The following PKNOX2 variants were observed in gnomAD, a reference collection of about 807,000 sequenced individuals.
PKNOX2 encodes the protein homeobox protein PKNOX2.
Under a neutral mutation model 53.1 loss-of-function variants are expected in PKNOX2, and 14 were observed. The observed-to-expected ratio is 0.26, with a 90% CI of 0.17 to 0.41. The LOEUF (loss-of-function observed/expected upper bound fraction) is 0.41, where lower values mean the gene tolerates loss of function less well. Ranked by LOEUF, PKNOX2 falls within the 10% of genes least tolerant of loss-of-function variation. The pLI is 1.00. For synonymous variants in PKNOX2, 257 were observed against 242.8 expected (o/e 1.06, Z -0.54); for missense variants, 496 against 602.8 (o/e 0.82, Z 1.85).
At chr11:125,217,014 C>A (rs1003781025) in intron 1 of PKNOX2, among the ~76,000 whole-genome samples, 5 of 149,938 alleles carry the variant, frequency 3.3e-5, no homozygotes, top group Non-Finnish European at 7.4e-5. Context: ...TCAAAACACA[C>A]ACACACACAC....
chr11:125,311,446 T>C (rs1387347128), intron 2 of PKNOX2, among the ~76,000 whole-genome samples: 2 of 152,268 alleles, frequency 1.3e-5, no homozygotes, highest in South Asian at 2.1e-4. Flanking sequence ...CAAGTTGCTA[T>C]AGCCCTAGGT....
intron 1 of PKNOX2, among the ~76,000 whole-genome samples, chr11:125,222,923 T>C (rs1941360787): frequency 6.6e-6 from 1 of 152,156 alleles, no homozygotes; most frequent in Non-Finnish European, 1.5e-5. Context: ...TGAATGAGCC[T>C]AGTTAGGAGT....
At chr11:125,230,973 A>T (rs944309445) in intron 1 of PKNOX2, among the ~76,000 whole-genome samples, 3 of 152,124 alleles carry the variant, frequency 2.0e-5, no homozygotes, top group African/African-American at 7.2e-5. Context: ...CTAGCAAGAG[A>T]CTTAGTGCCC....
intron 2 of PKNOX2, among the ~76,000 whole-genome samples, chr11:125,269,955 GTGT>G (rs1392795414): frequency 2.6e-5 from 4 of 152,152 alleles, no homozygotes; most frequent in African/African-American, 4.8e-5. Context: ...TATGTGCCAG[GTGT>G]TGTTGTGGGC....
At chr11:125,268,217 C>G (rs1287998806) in intron 2 of PKNOX2, among the ~76,000 whole-genome samples, 1 of 152,182 alleles carries the variant, frequency 6.6e-6, no homozygotes, top group Non-Finnish European at 1.5e-5. Context: ...ACTTGGAAAC[C>G]AGGGAGTGGG....
intron 3 of PKNOX2, among the ~76,000 whole-genome samples, chr11:125,345,761 T>C (rs1950938465): frequency 6.6e-6 from 1 of 152,178 alleles, no homozygotes; most frequent in Admixed American, 6.5e-5. Context: ...AAAAGATGAA[T>C]ATCACACTAT....
At chr11:125,222,656 C>CGTA (rs1463680095) in intron 1 of PKNOX2, among the ~76,000 whole-genome samples, 18 of 128,158 alleles carry the variant, frequency 1.4e-4, no homozygotes, top group South Asian at 2.4e-4. Flanking sequence ...TATGTGTGTG[C>CGTA]TGTGTATGTG....
At chr11:125,383,616 A>AAAAC in intron 5 of PKNOX2, among the ~76,000 whole-genome samples, 1 of 152,228 alleles carries the variant, frequency 6.6e-6, no homozygotes, top group African/African-American at 2.4e-5. Flanking sequence ...GACTGTCAAA[A>AAAAC]AAACAAACAA....
At chr11:125,376,416 A>G (rs886500130) in intron 5 of PKNOX2, among the ~76,000 whole-genome samples, 6 of 152,030 alleles carry the variant, frequency 3.9e-5, no homozygotes, top group African/African-American at 1.5e-4. Context: ...TGGTGCTTTC[A>G]AGGGGAGGAG....
intron 3 of PKNOX2, 54 bp from the exon 4 acceptor site, chr11:125,351,230 G>C (rs1951291931): frequency 2.5e-6 from 2 of 812,158 alleles, no homozygotes; most frequent in South Asian, 1.4e-5. Flanking sequence ...TGGGTGCCCA[G>C]GGCGGGCCTG....
At chr11:125,305,016 G>T (rs959909366) in intron 2 of PKNOX2, among the ~76,000 whole-genome samples, 2 of 152,200 alleles carry the variant, frequency 1.3e-5, no homozygotes, top group Non-Finnish European at 2.9e-5. Context: ...TATCTAAAAA[G>T]CATGTTCAAG....
chr11:125,176,293 C>T (rs1227935677), intron 1 of PKNOX2, among the ~76,000 whole-genome samples: 1 of 152,188 alleles, frequency 6.6e-6, no homozygotes, highest in Non-Finnish European at 1.5e-5. Context: ...GCCTTGACTC[C>T]CTCCTTGCCA....
chr11:125,227,845 C>T (rs1228029824), intron 1 of PKNOX2, among the ~76,000 whole-genome samples: 1 of 152,238 alleles, frequency 6.6e-6, no homozygotes, highest in Non-Finnish European at 1.5e-5. Flanking sequence ...TGAGCAACTA[C>T]TGACCTCACT....
intron 2 of PKNOX2, among the ~76,000 whole-genome samples, chr11:125,326,309 C>T (rs929362361): frequency 6.6e-6 from 1 of 152,080 alleles, no homozygotes; most frequent in African/African-American, 2.4e-5. Context: ...GGGACCTGGA[C>T]AACAGAGGAA....
chr11:125,211,949 G>A (rs1256770067), intron 1 of PKNOX2, among the ~76,000 whole-genome samples: 1 of 151,964 alleles, frequency 6.6e-6, no homozygotes, highest in East Asian at 1.9e-4. Flanking sequence ...TTCCTATATG[G>A]CTCTATTTCT....
At chr11:125,421,801 G>T (rs1385912845) in intron 10 of PKNOX2, among the ~76,000 whole-genome samples, 3 of 152,314 alleles carry the variant, frequency 2.0e-5, no homozygotes, top group East Asian at 1.9e-4. Flanking sequence ...GAGACCAGCC[G>T]GGGAGCCCTT....
chr11:125,172,712 G>A (rs758556708), intron 1 of PKNOX2, among the ~76,000 whole-genome samples: 12 of 152,036 alleles, frequency 7.9e-5, no homozygotes, highest in Admixed American at 2.6e-4. Context: ...GGATTGCTTC[G>A]TGGCTTTGTG....
rs117188041 is a variant in PKNOX2, at chr11:125,246,414, G to A, written c.-130+11299G>A. On this transcript the variant is annotated intron_variant, in intron 2 of 12. Coordinates refer to ENST00000298282, the MANE Select transcript of PKNOX2 (RefSeq NM_001382323.2). ...CCTGCCTTCCAATATAGTCATAATG[G>A]CAATTAAATTTCAACATGAGTTTTG... Among the ~76,000 whole-genome samples, 417 of 152,274 alleles carry A rather than the reference G, an allele frequency of 2.7e-3. 2 individuals carry two copies. The highest frequency in any genetic ancestry group is 4.5e-3 in the Non-Finnish European group (304 of 68,026).
chr11:125,415,971 T>C (rs1055949734), intron 10 of PKNOX2, among the ~76,000 whole-genome samples: 31 of 152,204 alleles, frequency 2.0e-4, no homozygotes, highest in African/African-American at 7.0e-4. Context: ...CATAAACCTC[T>C]CCTATACTGT....
Sources: allele counts gnomAD v4.1 joint callset (sites outside exome capture counted in the v4.1 genomes callset), GRCh38; gene constraint gnomAD v4.1.1; transcripts MANE v1.5; gene names NCBI Gene and HGNC (gene_info 2026-07-23, HGNC 2026-07-21).